The following KMT2C variants were observed in gnomAD, a reference collection of about 807,000 sequenced individuals.
KMT2C encodes the protein histone-lysine N-methyltransferase 2C.
Under a neutral mutation model 507.9 loss-of-function variants are expected in KMT2C, and 88 were observed. The ratio of observed to expected loss-of-function variants is 0.17; its 90% CI spans 0.15 to 0.21. KMT2C has a LOEUF of 0.21. Among genes scored for constraint, KMT2C ranks in the 10% least tolerant of loss-of-function variants. The pLI, the probability that KMT2C is intolerant of heterozygous loss-of-function variation, is 1.00. For missense variants in KMT2C, 4,954 were observed against 5,957.8 expected (o/e 0.83, Z 5.55); for synonymous variants, 2,049 against 2,080.8 (o/e 0.98, Z 0.42).
At chr7:152,351,436 G>A (rs2129226377) in intron 2 of KMT2C, among the ~76,000 whole-genome samples, 1 of 152,288 alleles carries the variant, frequency 6.6e-6, no homozygotes, top group Admixed American at 6.5e-5. Context: ...TGAGGTGACA[G>A]AAATTTCTCC....
intron 2 of KMT2C, among the ~76,000 whole-genome samples, chr7:152,347,995 C>A (rs1376439027): frequency 3.3e-5 from 5 of 151,920 alleles, no homozygotes; most frequent in African/African-American, 1.2e-4. Context: ...TCAGTAATAT[C>A]AAAAATGAAA....
chr7:152,186,530 G>A (rs2093632600), intron 33 of KMT2C, among the ~76,000 whole-genome samples: 1 of 152,146 alleles, frequency 6.6e-6, no homozygotes, highest in African/African-American at 2.4e-5. Context: ...GTCCCATGAA[G>A]ACGCCAATCC....
chr7:152,261,971 TC>T (rs1167628951), intron 9 of KMT2C, among the ~76,000 whole-genome samples: 2 of 151,430 alleles, frequency 1.3e-5, no homozygotes, highest in Admixed American at 6.6e-5. Flanking sequence ...CAGCTCTTTT[TC>T]CCCCCAGGAG....
At chr7:152,319,491 C>G (rs1253847949) in intron 3 of KMT2C, among the ~76,000 whole-genome samples, 1 of 152,074 alleles carries the variant, frequency 6.6e-6, no homozygotes, top group Non-Finnish European at 1.5e-5. Context: ...CACCTGTTGC[C>G]AAGTGGACCG....
intron 23 of KMT2C, among the ~76,000 whole-genome samples, chr7:152,207,666 GTTCTGT>G (rs1319966034): frequency 8.5e-5 from 13 of 152,208 alleles, no homozygotes; most frequent in Non-Finnish European, 2.9e-5. Flanking sequence ...AGAACTCAGA[GTTCTGT>G]TAAGTGCAAT....
intron 6 of KMT2C, among the ~76,000 whole-genome samples, chr7:152,295,611 A>G (rs1034357504): frequency 5.9e-5 from 9 of 152,220 alleles, no homozygotes; most frequent in African/African-American, 2.2e-4. Flanking sequence ...TATTGCCTAT[A>G]AAATATCCAT....
At chr7:152,247,093 A>G (rs986291551) in intron 14 of KMT2C, among the ~76,000 whole-genome samples, 9 of 152,170 alleles carry the variant, frequency 5.9e-5, no homozygotes, top group African/African-American at 2.2e-4. Context: ...ATGAAACTTA[A>G]AACTCCAAAT....
Position 152,249,944 on chromosome 7 carries a change from A to T in KMT2C, c.1745T>A (p.Val582Asp), listed in dbSNP as rs2095538108. 3.1e-6 allele frequency: 5 copies of T among 1,608,032 alleles called. No individual in the cohort carries two copies. Among genetic ancestry groups the T allele is most frequent in the Non-Finnish European group, 3.4e-6 (4 of 1,175,082 alleles). Residue 582 changes from valine (V) to aspartate (D), a missense_variant, in exon 13 of 59, where the codon GTC becomes GAC. Physicochemically the swap from Val to Asp is radical, Grantham distance 152. Coordinates refer to ENST00000262189, the MANE Select transcript of KMT2C (RefSeq NM_170606.3). ...TPGIVPDAVQVHTEEQQKSHP... is the reference protein window; with the variant it reads ...TPGIVPDAVQDHTEEQQKSHP... ...ACTCTTCTGTTGCTCTTCAGTGTGG[A>T]CTTGAACCGCTGTGAGTAACACATT...
chr7:152,169,340 GGAAGAAA>G, intron 40 of KMT2C, 91 bp from the exon 41 acceptor site: 1 of 726,626 alleles, frequency 1.4e-6, no homozygotes, highest in Non-Finnish European at 2.3e-6. Context: ...AAAAAGAAAT[GGAAGAAA>G]AAACCCTTTA....
At chr7:152,323,662 GAGAA>G (rs1470739958) in intron 3 of KMT2C, among the ~76,000 whole-genome samples, 1 of 141,716 alleles carries the variant, frequency 7.1e-6, no homozygotes, top group Non-Finnish European at 1.5e-5. Flanking sequence ...GAGAGAGAAA[GAGAA>G]AGAAAGGAAG....
intron 23 of KMT2C, among the ~76,000 whole-genome samples, chr7:152,215,070 A>G (rs2094539507): frequency 1.3e-5 from 2 of 149,616 alleles, no homozygotes; most frequent in African/African-American, 5.1e-5. Flanking sequence ...TGTAATAAAA[A>G]TAAATGAAAA....
At chr7:152,363,093 T>A (rs2097209837) in intron 1 of KMT2C, among the ~76,000 whole-genome samples, 1 of 152,234 alleles carries the variant, frequency 6.6e-6, no homozygotes, top group South Asian at 2.1e-4. Flanking sequence ...CAAAACCCTA[T>A]CAGTTGCCAA....
chr7:152,155,781 T>C, intron 46 of KMT2C, 129 bp downstream of exon 46: 1 of 890,826 alleles, frequency 1.1e-6, no homozygotes, highest in Middle Eastern at 3.5e-4. Context: ...TCCTGAAGAT[T>C]ATTCACCAAA....
chr7:152,136,798 A>G lies in KMT2C; in HGVS notation c.*34T>C, dbSNP rs766726513. 9.3e-6 allele frequency: 14 copies of G among 1,505,944 alleles called. No homozygotes were observed. In the South Asian group the frequency reaches 1.2e-4, roughly 13 times the overall value. 93.3% of individuals were successfully genotyped at this position (1,505,944 alleles called of 1,614,324 possible). ...TGTGTTGAATCGCCTCTTCCTAGGG[A>G]CAAGCCGCCCGCTGAGCTAGCAAGG... On this transcript the variant is annotated 3_prime_UTR_variant, in exon 59 of 59. Transcript: ENST00000262189.
intron 1 of KMT2C, among the ~76,000 whole-genome samples, chr7:152,421,925 G>A (rs976134864): frequency 8.6e-5 from 13 of 151,894 alleles, no homozygotes; most frequent in African/African-American, 2.9e-4. Flanking sequence ...TGGGAACTCA[G>A]GTTTATTAGA....
intron 6 of KMT2C, among the ~76,000 whole-genome samples, chr7:152,290,220 ATGTGTGTGTG>A (rs71198772): frequency 3.4e-4 from 29 of 86,288 alleles, no homozygotes; most frequent in South Asian, 5.1e-4. Context: ...TTATATATAT[ATGTGTGTGTG>A]TGTGTGTGTG....
At position 152,195,991 on chromosome 7, in the gene KMT2C, C is replaced by A; in HGVS notation, c.4294G>T (p.Ala1432Ser). The A allele has an allele frequency of 6.2e-7, 1 of 1,604,496 alleles. No homozygotes were observed. The highest frequency in any genetic ancestry group is 8.5e-7 in the Non-Finnish European group (1 of 1,173,054). Reference protein sequence around the residue: ...GTHGPADDPLADISEVLNTDD... With the variant: ...GTHGPADDPLSDISEVLNTDD... ...GTGTTTAAAACTTCAGAAATATCAG[C>A]TAATGGGTCATCAGCAGGACCTAAA... The change falls in exon 28 of 59, where the codon GCT becomes TCT. Residue 1432 changes from alanine (A) to serine (S), a missense_variant. Ala to Ser is a moderately conservative substitution (Grantham distance 99). Around this residue, in one of 29 missense-constraint regions of KMT2C, gnomAD observed 140 missense variants for 118.4 expected, o/e 1.18. Transcript: ENST00000262189.
chr7:152,435,569 A>T, intron 1 of KMT2C, 57 bp downstream of exon 1: 1 of 1,160,922 alleles, frequency 8.6e-7, no homozygotes. Context: ...GCCCGGTGAC[A>T]GCTCCGGCCC....
Position 152,177,916 on chromosome 7 carries a change from G to C in KMT2C, c.7537C>G (p.Gln2513Glu), listed in dbSNP as rs768699986. ...QQIQGSGVSP[Q>E]LRRSVSVDMP... ...TCTACAGATACTGATCTTCTTAGCTGTGGAGAAACTCCAGATCCCTGTATT... is the reference window on the plus strand; with the variant it reads ...TCTACAGATACTGATCTTCTTAGCTCTGGAGAAACTCCAGATCCCTGTATT... Residue 2513 changes from glutamine to glutamate, a missense_variant, in exon 38 of 59, where the codon CAG becomes GAG. By Grantham distance (29) the Gln-to-Glu change is conservative. Transcript: ENST00000262189. The C allele has an allele frequency of 3.7e-6, 6 of 1,608,278 alleles. No individual in the cohort carries two copies. The African/African-American group carries it at 8.1e-5, about 22-fold the overall frequency.
Sources: gnomAD v4.1 joint callset for allele counts (sites outside exome capture counted in the v4.1 genomes callset) on GRCh38, gnomAD v4.1.1 for gene constraint, gnomAD v4.1.1 regional missense constraint, MANE v1.5 for transcripts, NCBI Gene and HGNC (gene_info 2026-07-23, HGNC 2026-07-21) for gene names.